Variants in SYNPR observed in about 807,000 individuals in gnomAD.
SYNPR encodes synaptoporin.
In SYNPR, 23 loss-of-function variants were observed where a neutral mutation model predicts 32.9. The observed-to-expected ratio is 0.70, with a 90% CI of 0.50 to 0.99. The LOEUF is 0.99. SYNPR is among the 50% of genes least tolerant of loss of function. SYNPR has a pLI of 0.00. For synonymous variants in SYNPR, 146 were observed against 135.9 expected, an observed-to-expected ratio of 1.07 and a Z score of -0.52; for missense variants, 318 against 349.3, an observed-to-expected ratio of 0.91 and a Z score of 0.71.
chr3:63,573,207 T>A (rs899852235), intron 4 of SYNPR, among the ~76,000 whole-genome samples: 2 of 152,152 alleles, frequency 1.3e-5, no homozygotes, highest in Admixed American at 1.3e-4. Context: ...TACCAGAAGA[T>A]TTAGTAATCT....
chr3:63,264,877 C>T (rs955199495), intron 2 of SYNPR, among the ~76,000 whole-genome samples: 109 of 151,594 alleles, frequency 7.2e-4, no homozygotes, highest in Admixed American at 2.8e-3. Flanking sequence ...TCTCCCGAGA[C>T]TCACTATCAC....
intron 2 of SYNPR, among the ~76,000 whole-genome samples, chr3:63,420,389 A>G (rs903694753): frequency 5.9e-5 from 9 of 152,190 alleles, no homozygotes; most frequent in African/African-American, 2.2e-4. Flanking sequence ...GTGCATCAGA[A>G]CAAAAAGCTG....
chr3:63,340,458 T>C (rs11710484), intron 2 of SYNPR, among the ~76,000 whole-genome samples: 28,628 of 144,788 alleles, frequency 0.2, 3,287 homozygotes, highest in South Asian at 0.36. Context: ...CTCACTCTGT[T>C]GCCCAGGCTG....
At chr3:63,255,819 G>C (rs1415492769) in intron 2 of SYNPR, among the ~76,000 whole-genome samples, 1 of 152,106 alleles carries the variant, frequency 6.6e-6, no homozygotes, top group East Asian at 1.9e-4. Context: ...CCCTTTCCTA[G>C]TCAAAAAAAG....
At chr3:63,338,708 T>C (rs56308794) in intron 2 of SYNPR, among the ~76,000 whole-genome samples, 32,381 of 152,104 alleles carry the variant, frequency 0.21, 3,932 homozygotes, top group South Asian at 0.39. Context: ...CAAGGACACA[T>C]AGCTAGTGAC....
upstream of SYNPR, among the ~76,000 whole-genome samples, chr3:63,224,386 C>T (rs2086113956): frequency 6.6e-6 from 1 of 152,190 alleles, no homozygotes; most frequent in Non-Finnish European, 1.5e-5. Flanking sequence ...GAAAAATTGT[C>T]TTCTGTGAAA....
intron 2 of SYNPR, among the ~76,000 whole-genome samples, chr3:63,314,051 C>A (rs57410096): frequency 5.1e-5 from 3 of 59,228 alleles, no homozygotes; most frequent in African/African-American, 2.2e-4. Context: ...ATATATATAT[C>A]CATATATATA....
rs1559516441 is a variant in SYNPR, at chr3:63,494,468, C to CGT, written c.209+13512_209+13513insGT. Among the ~76,000 whole-genome samples the CGT allele has an allele frequency of 9.4e-5, 8 of 84,794 alleles. No individual in the cohort carries two copies. The East Asian group carries it at 1.2e-3, about 13-fold the overall frequency. 55.6% of individuals were successfully genotyped at this position (84,794 alleles called of 152,430 possible). On this transcript the variant is annotated intron_variant, in intron 3 of 5. Transcript: ENST00000478300. ...ATATACACATATATATACATATATA[C>CGT]ACATATATACATATATATACATATA... is the stretch of plus-strand genomic sequence containing the variant.
chr3:63,345,791 G>A (rs578199468), intron 2 of SYNPR, among the ~76,000 whole-genome samples: 1 of 151,470 alleles, frequency 6.6e-6, no homozygotes, highest in South Asian at 2.1e-4. Context: ...TTGAAATGTT[G>A]CTTTCGTCTA....
intron 2 of SYNPR, among the ~76,000 whole-genome samples, chr3:63,282,290 T>A (rs920569698): frequency 6.6e-6 from 1 of 152,230 alleles, no homozygotes; most frequent in South Asian, 2.1e-4. Flanking sequence ...TCGATGCATA[T>A]CATTTTTCTA....
chr3:63,343,811 A>G (rs2087401426), intron 2 of SYNPR, among the ~76,000 whole-genome samples: 1 of 152,252 alleles, frequency 6.6e-6, no homozygotes, highest in African/African-American at 2.4e-5. Context: ...CTGAGAGATA[A>G]CAAGGGTACA....
Position 63,311,040 on chromosome 3 carries a change from G to C in SYNPR, c.84+32298G>C, listed in dbSNP as rs960166497. 1.2e-4 allele frequency among the ~76,000 whole-genome samples: 18 copies of C among 152,050 alleles called. 1 individual carries two copies. Among genetic ancestry groups the C allele is most frequent in the Middle Eastern group, 6.8e-3 (2 of 294 alleles). On this transcript the variant is annotated intron_variant, in intron 2 of 5. Transcript: ENST00000478300. The stretch of plus-strand genomic sequence containing the variant: ...CCTTCCCACATTTTTCAAAAAATCA[G>C]ATATGTCAAGTTGAATGTGTACTAG...
intron 3 of SYNPR, chr3:63,549,999 C>T (rs1427536910): frequency 6.6e-6 from 1 of 152,118 alleles, no homozygotes; most frequent in African/African-American, 2.4e-5. Flanking sequence ...TCAGCAATTG[C>T]TCGCCGACTA....
intron 3 of SYNPR, among the ~76,000 whole-genome samples, chr3:63,497,787 T>C (rs535522442): frequency 1.3e-5 from 2 of 152,286 alleles, no homozygotes; most frequent in African/African-American, 4.8e-5. Flanking sequence ...AGAAAATGAA[T>C]GTAAATTCCT....
intron 2 of SYNPR, among the ~76,000 whole-genome samples, chr3:63,338,573 G>A (rs2087323989): frequency 6.6e-6 from 1 of 152,134 alleles, no homozygotes; most frequent in Admixed American, 6.5e-5. Flanking sequence ...TGAAATATAA[G>A]AGCCAATAGA....
intron 2 of SYNPR, among the ~76,000 whole-genome samples, chr3:63,425,598 T>G (rs1699878162): frequency 6.6e-6 from 1 of 152,130 alleles, no homozygotes; most frequent in South Asian, 2.1e-4. Context: ...TTCATTGAAT[T>G]CTTAGGCTCT....
intron 2 of SYNPR, among the ~76,000 whole-genome samples, chr3:63,466,450 A>AT (rs1244124594): frequency 7.2e-6 from 1 of 139,842 alleles, no homozygotes; most frequent in Non-Finnish European, 1.6e-5. Flanking sequence ...CAAATTCAGG[A>AT]TTTGTTTTTT....
chr3:63,428,618 T>C (rs1699932021), intron 2 of SYNPR, among the ~76,000 whole-genome samples: 1 of 152,236 alleles, frequency 6.6e-6, no homozygotes, highest in Non-Finnish European at 1.5e-5. Context: ...GCTTTTTGGG[T>C]GTCAGCATTT....
In SYNPR at chr3:63,433,464, A is replaced by G. The variant is rs190660201; in HGVS notation, c.85-47368A>G. Among the ~76,000 whole-genome samples the G allele has an allele frequency of 2.0e-5, 3 of 152,352 alleles. No individual in the cohort carries two copies. In the East Asian group the frequency reaches 5.8e-4, roughly 29 times the overall value. ...CTCTGCGTGAGAATGAACAGTTCAC[A>G]TGGCATTTTGGACTGTTCTAAACAG... On this transcript the variant is annotated intron_variant, in intron 2 of 5. Transcript: ENST00000478300.
Sources: gnomAD v4.1 joint callset for allele counts (sites outside exome capture counted in the v4.1 genomes callset) on GRCh38, gnomAD v4.1.1 for gene constraint, MANE v1.5 for transcripts, NCBI Gene and HGNC (gene_info 2026-07-23, HGNC 2026-07-21) for gene names.